Variants in KCND2 observed in about 807,000 individuals in gnomAD.
The protein encoded by KCND2 is potassium voltage-gated channel subfamily D member 2.
A neutral mutation model predicts 54.4 loss-of-function variants in KCND2; 16 were observed. That is an observed-to-expected ratio of 0.29 (90% CI 0.20 to 0.45). The LOEUF (loss-of-function observed/expected upper bound fraction) is 0.45, where lower values mean the gene tolerates loss of function less well. Ranked by LOEUF, KCND2 falls within the 20% of genes least tolerant of loss-of-function variation. KCND2 has a pLI of 1.00. For missense variants in KCND2, 486 were observed against 824.2 expected (o/e 0.59, Z 5.02); for synonymous variants, 317 against 310.7 (o/e 1.02, Z -0.21).
chr7:120,611,997 A>G lies in KCND2; in HGVS notation c.1116-120906A>G, dbSNP rs191287262. Among the ~76,000 whole-genome samples the G allele has an allele frequency of 1.2e-3, 185 of 152,302 alleles. 1 individual carries two copies. In the Middle Eastern group the frequency reaches 0.051, roughly 42 times the overall value. On this transcript the variant is annotated intron_variant, in intron 1 of 5. Coordinates refer to ENST00000331113, the MANE Select transcript of KCND2 (RefSeq NM_012281.3). The stretch of plus-strand genomic sequence containing the variant: ...AAGCACAATCATTCTGGGTTCTCCA[A>G]ACTCTGAAATGCACTTAATCCAAAA...
At chr7:120,583,413 G>A (rs369660351) in intron 1 of KCND2, among the ~76,000 whole-genome samples, 2 of 152,118 alleles carry the variant, frequency 1.3e-5, no homozygotes, top group East Asian at 3.9e-4. Context: ...GCATGTATAT[G>A]TGTGTGTGTT....
chr7:120,678,756 A>ATG (rs1792103394), intron 1 of KCND2, among the ~76,000 whole-genome samples: 1 of 122,050 alleles, frequency 8.2e-6, no homozygotes, highest in Non-Finnish European at 1.7e-5. Flanking sequence ...ATATATATAT[A>ATG]TATATATATA....
At chr7:120,706,789 A>G (rs1792474366) in intron 1 of KCND2, among the ~76,000 whole-genome samples, 1 of 152,176 alleles carries the variant, frequency 6.6e-6, no homozygotes, top group African/African-American at 2.4e-5. Flanking sequence ...ATTAACACAC[A>G]TCTATAATAC....
intron 1 of KCND2, among the ~76,000 whole-genome samples, chr7:120,537,168 A>T (rs1791922138): frequency 6.6e-6 from 1 of 152,224 alleles, no homozygotes; most frequent in African/African-American, 2.4e-5. Context: ...TTACGTTAGC[A>T]GGCATAAAAA....
chr7:120,378,309 A>G (rs1224341085), intron 1 of KCND2, among the ~76,000 whole-genome samples: 8 of 151,958 alleles, frequency 5.3e-5, no homozygotes, highest in Admixed American at 3.9e-4. Flanking sequence ...AAAACCAAGT[A>G]TGATATTGCT....
chr7:120,577,941 C>T (rs950153310), intron 1 of KCND2, among the ~76,000 whole-genome samples: 2 of 152,016 alleles, frequency 1.3e-5, no homozygotes, highest in African/African-American at 4.8e-5. Flanking sequence ...CAGTTCACAC[C>T]TGTAATCCTA....
chr7:120,466,788 T>C (rs897522762), intron 1 of KCND2, among the ~76,000 whole-genome samples: 5 of 152,164 alleles, frequency 3.3e-5, no homozygotes, highest in African/African-American at 1.2e-4. Context: ...ATGAGTCTTA[T>C]GCGTCTAAAA....
intron 1 of KCND2, among the ~76,000 whole-genome samples, chr7:120,664,757 T>C (rs1162728565): frequency 1.3e-5 from 2 of 152,062 alleles, no homozygotes; most frequent in African/African-American, 4.8e-5. Flanking sequence ...CCATGTTGCA[T>C]CTACAGCTTT....
At chr7:120,577,534 G>A (rs1305847139) in intron 1 of KCND2, among the ~76,000 whole-genome samples, 2 of 147,434 alleles carry the variant, frequency 1.4e-5, no homozygotes, top group African/African-American at 5.4e-5. Context: ...TGCCTCCCTG[G>A]ACTCAAACGA....
At chr7:120,368,113 C>T (rs1800713292) in intron 1 of KCND2, among the ~76,000 whole-genome samples, 1 of 152,118 alleles carries the variant, frequency 6.6e-6, no homozygotes, top group Non-Finnish European at 1.5e-5. Context: ...CGATCCGAAG[C>T]ATTTCAGCAT....
chr7:120,437,765 T>C (rs1269675211), intron 1 of KCND2, among the ~76,000 whole-genome samples: 2 of 152,234 alleles, frequency 1.3e-5, no homozygotes, highest in African/African-American at 4.8e-5. Context: ...TGAAACTTGT[T>C]CTTGTAGTAA....
chr7:120,673,302 A>C (rs1792017315), intron 1 of KCND2, among the ~76,000 whole-genome samples: 1 of 152,160 alleles, frequency 6.6e-6, no homozygotes, highest in African/African-American at 2.4e-5. Flanking sequence ...CCCTCAATAC[A>C]AAAGCATTCT....
At chr7:120,572,824 A>C (rs1442601052) in intron 1 of KCND2, among the ~76,000 whole-genome samples, 1 of 152,218 alleles carries the variant, frequency 6.6e-6, no homozygotes, top group Non-Finnish European at 1.5e-5. Context: ...TGCCCAGCTG[A>C]GTGTGAACAT....
Position 120,747,945 on chromosome 7 carries a change from T to C in KCND2, c.*87T>C. 1 of 1,024,160 alleles carries C rather than the reference T, an allele frequency of 9.8e-7. No homozygotes were observed. The highest frequency in any genetic ancestry group is 1.5e-6 in the Non-Finnish European group (1 of 675,792). 63.4% of individuals were successfully genotyped at this position (1,024,160 alleles called of 1,614,324 possible). ...AAGAAAGAAGAAACAATAAATATTC[T>C]GCAGATTAATGCAGCAAAGAAAGAA... On this transcript the variant is annotated 3_prime_UTR_variant, in exon 6 of 6. Transcript: ENST00000331113.
intron 1 of KCND2, among the ~76,000 whole-genome samples, chr7:120,431,096 ACTAT>A (rs759756755): frequency 6.6e-6 from 1 of 152,202 alleles, no homozygotes; most frequent in South Asian, 2.1e-4. Context: ...TTGGATTTTG[ACTAT>A]CTGTGTTTAT....
At chr7:120,613,306 A>C (rs995918777) in intron 1 of KCND2, among the ~76,000 whole-genome samples, 1 of 152,122 alleles carries the variant, frequency 6.6e-6, no homozygotes, top group Non-Finnish European at 1.5e-5. Context: ...CAAGGTAGGC[A>C]GATCACATGA....
intron 1 of KCND2, among the ~76,000 whole-genome samples, chr7:120,394,865 A>C (rs1032374085): frequency 6.6e-6 from 1 of 151,982 alleles, no homozygotes; most frequent in Non-Finnish European, 1.5e-5. Context: ...ACCTAAATCA[A>C]GTGACTGTTC....
At chr7:120,556,109 C>T (rs1046321840) in intron 1 of KCND2, among the ~76,000 whole-genome samples, 2 of 152,058 alleles carry the variant, frequency 1.3e-5, no homozygotes, top group Non-Finnish European at 2.9e-5. Context: ...TGTTTCTATG[C>T]CATCATCTTG....
chr7:120,704,601 G>A (rs1293059758), intron 1 of KCND2, among the ~76,000 whole-genome samples: 1 of 152,154 alleles, frequency 6.6e-6, no homozygotes, highest in East Asian at 1.9e-4. Context: ...ATCATTTGCA[G>A]ATAGTAAGAA....
Sources: allele counts gnomAD v4.1 joint callset (sites outside exome capture counted in the v4.1 genomes callset), GRCh38; gene constraint gnomAD v4.1.1; transcripts MANE v1.5; gene names NCBI Gene and HGNC (gene_info 2026-07-23, HGNC 2026-07-21).